The following CDIN1 variants were observed in gnomAD, a reference collection of about 807,000 sequenced individuals.
CDIN1 encodes CDAN1-interacting nuclease 1.
Under a neutral mutation model 45.3 loss-of-function variants are expected in CDIN1, and 33 were observed. The observed-to-expected ratio is 0.73, with a 90% CI of 0.55 to 0.97. CDIN1 has a LOEUF of 0.97. Among genes scored for constraint, CDIN1 ranks in the 50% least tolerant of loss-of-function variants. The probability of loss-of-function intolerance (pLI) is 0.00; values close to 1 mark genes in which losing one functional copy is unlikely to be tolerated. For synonymous variants in CDIN1, 118 were observed against 124.4 expected (o/e 0.95, Z 0.34); for missense variants, 303 against 339.4 (o/e 0.89, Z 0.84).
chr15:36,617,648 A>C, intron 1 of CDIN1: 12 of 766,762 alleles, frequency 1.6e-5, no homozygotes, highest in South Asian at 1.5e-4. Flanking sequence ...CAAATTGATG[A>C]GAAGGGTAAA....
chr15:36,644,834 A>G (rs192211195), intron 2 of CDIN1, among the ~76,000 whole-genome samples: 127 of 152,310 alleles, frequency 8.3e-4, no homozygotes, highest in African/African-American at 2.9e-3. Flanking sequence ...TGGCAATTGG[A>G]TTGTAAAACT....
intron 10 of CDIN1, among the ~76,000 whole-genome samples, chr15:36,783,505 C>T (rs1490234631): frequency 2.0e-5 from 3 of 151,972 alleles, no homozygotes; most frequent in Non-Finnish European, 2.9e-5. Context: ...TACCTTTCGC[C>T]CAGTTAGTTG....
At chr15:36,650,918 C>T (rs981501750) in intron 3 of CDIN1, among the ~76,000 whole-genome samples, 2 of 151,980 alleles carry the variant, frequency 1.3e-5, no homozygotes, top group Non-Finnish European at 2.9e-5. Context: ...CAAAAACTAG[C>T]CAGGTGTGGT....
intron 1 of CDIN1, chr15:36,627,175 C>A: frequency 5.1e-6 from 1 of 196,768 alleles, no homozygotes; most frequent in Admixed American, 5.8e-5. Context: ...TGGCCTTGTT[C>A]CACTTGGTGA....
At chr15:36,723,476 G>T (rs1382781230) in intron 10 of CDIN1, among the ~76,000 whole-genome samples, 1 of 152,040 alleles carries the variant, frequency 6.6e-6, no homozygotes, top group Non-Finnish European at 1.5e-5. Context: ...AAGCCATATT[G>T]AACTCAACAC....
At chr15:36,727,236 A>G (rs902976988) in intron 10 of CDIN1, among the ~76,000 whole-genome samples, 3 of 152,104 alleles carry the variant, frequency 2.0e-5, no homozygotes, top group African/African-American at 7.2e-5. Context: ...CAGACAGAAG[A>G]CAACATCATA....
At chr15:36,603,795 A>G (rs1317501218) in intron 1 of CDIN1, among the ~76,000 whole-genome samples, 2 of 152,202 alleles carry the variant, frequency 1.3e-5, no homozygotes, top group East Asian at 3.8e-4. Flanking sequence ...CCCTGAAAAA[A>G]GAGTTATTGT....
At chr15:36,800,901 G>GTA (rs1566984259) in intron 10 of CDIN1, among the ~76,000 whole-genome samples, 8 of 22,368 alleles carry the variant, frequency 3.6e-4, no homozygotes, top group East Asian at 1.9e-3. Context: ...GTGTGTGTGT[G>GTA]TGTGTGTGTA....
At chr15:36,659,113 G>A (rs1232107530) in intron 5 of CDIN1, among the ~76,000 whole-genome samples, 1 of 152,136 alleles carries the variant, frequency 6.6e-6, no homozygotes, top group Non-Finnish European at 1.5e-5. Flanking sequence ...CTGCTATCCA[G>A]GTCTTGTCAA....
At chr15:36,637,301 A>C (rs1028645830) in intron 1 of CDIN1, among the ~76,000 whole-genome samples, 1 of 152,258 alleles carries the variant, frequency 6.6e-6, no homozygotes, top group Non-Finnish European at 1.5e-5. Context: ...TTCTAGAAAA[A>C]TATATGAAAA....
At chr15:36,662,066 T>C (rs2041036841) in intron 5 of CDIN1, among the ~76,000 whole-genome samples, 1 of 152,184 alleles carries the variant, frequency 6.6e-6, no homozygotes, top group Non-Finnish European at 1.5e-5. Context: ...TGAAGAACCA[T>C]TGAGAAAATA....
chr15:36,647,712 C>T (rs2040394773), intron 3 of CDIN1: 1 of 152,018 alleles, frequency 6.6e-6, no homozygotes, highest in African/African-American at 2.4e-5. Context: ...AGAATAAAGC[C>T]AAATTGTATT....
At chr15:36,719,639 A>G (rs577252448) in intron 10 of CDIN1, among the ~76,000 whole-genome samples, 3 of 152,162 alleles carry the variant, frequency 2.0e-5, no homozygotes, top group Admixed American at 6.5e-5. Context: ...GCCTCTTAGT[A>G]TGGGTTGGGA....
At chr15:36,679,505 C>G (rs1163908216) in intron 5 of CDIN1, among the ~76,000 whole-genome samples, 1 of 152,134 alleles carries the variant, frequency 6.6e-6, no homozygotes, top group African/African-American at 2.4e-5. Context: ...GGCCTCGAAC[C>G]AAGTCTGTCT....
chr15:36,664,553 A>G (rs77795136), intron 5 of CDIN1, among the ~76,000 whole-genome samples: 16,935 of 151,068 alleles, frequency 0.11, 1,028 homozygotes, highest in Middle Eastern at 0.16. Flanking sequence ...TATTGATCAC[A>G]CTTTTTTTTT....
intron 3 of CDIN1, among the ~76,000 whole-genome samples, chr15:36,650,561 G>C (rs1435695827): frequency 6.6e-6 from 1 of 151,742 alleles, no homozygotes; most frequent in Non-Finnish European, 1.5e-5. Context: ...TTGTGCCTCA[G>C]CCTCCTGAGT....
rs2054011827 is a variant in CDIN1, at chr15:36,769,510, T to G, written c.717-38814T>G. On this transcript the variant is annotated intron_variant, in intron 10 of 10. Coordinates refer to ENST00000566621, the MANE Select transcript of CDIN1 (RefSeq NM_001321759.2). ...ACCCACGTTACAGAGGGTACTTTGC[T>G]TTACTGAAATTGATTATGGATGTTA... is the stretch of plus-strand genomic sequence containing the variant. Among the ~76,000 whole-genome samples, 12 of 152,310 alleles carry G rather than the reference T, an allele frequency of 7.9e-5. No homozygotes were observed. In the South Asian group the frequency reaches 2.5e-3, roughly 32 times the overall value.
intron 7 of CDIN1, among the ~76,000 whole-genome samples, chr15:36,694,192 G>T (rs1485212454): frequency 2.6e-5 from 4 of 152,164 alleles, no homozygotes; most frequent in African/African-American, 9.6e-5. Flanking sequence ...GAAGTTTACA[G>T]AGAAACTGAT....
Position 36,692,179 on chromosome 15 carries a change from T to C in CDIN1, c.476+4T>C, listed in dbSNP as rs758589617. ...CACTAGTGGACTGCATCAAGCAGTA[T>C]CCTTTCCCATAAAATTTTAGGTGCG... On this transcript the variant is annotated splice_donor_region_variant and intron_variant, in intron 7 of 10. Transcript: ENST00000566621. 1.2e-6 allele frequency: 2 copies of C among 1,613,352 alleles called. No homozygotes were observed. Among genetic ancestry groups the C allele is most frequent in the East Asian group, 2.2e-5 (1 of 44,846 alleles).
Sources: gnomAD v4.1 joint callset for allele counts (sites outside exome capture counted in the v4.1 genomes callset) on GRCh38, gnomAD v4.1.1 for gene constraint, MANE v1.5 for transcripts, NCBI Gene and HGNC (gene_info 2026-07-23, HGNC 2026-07-21) for gene names.